Variants in DIAPH3 observed in about 807,000 individuals in gnomAD.
The protein encoded by DIAPH3 is diaphanous related formin 3, also known as protein diaphanous homolog 3.
Under a neutral mutation model 144.3 loss-of-function variants are expected in DIAPH3, and 117 were observed. The observed-to-expected ratio is 0.81, with a 90% CI of 0.70 to 0.95. DIAPH3 has a LOEUF of 0.95. DIAPH3 is among the 40% of genes least tolerant of loss of function. The pLI is 0.00. For missense variants in DIAPH3, 1,421 were observed against 1,412.7 expected (o/e 1.01, Z -0.09); for synonymous variants, 519 against 488.9 (o/e 1.06, Z -0.81).
chr13:60,041,812 T>A (rs1258671321), intron 5 of DIAPH3, among the ~76,000 whole-genome samples: 2 of 152,124 alleles, frequency 1.3e-5, no homozygotes, highest in Non-Finnish European at 2.9e-5. Flanking sequence ...TTTCTGACTG[T>A]TTAGGTATTT....
At chr13:59,813,132 G>A (rs1035254664) in intron 24 of DIAPH3, among the ~76,000 whole-genome samples, 9 of 150,646 alleles carry the variant, frequency 6.0e-5, no homozygotes, top group African/African-American at 1.5e-4. Flanking sequence ...GAGTACGGGC[G>A]CAGAAACCTA....
chr13:59,756,683 C>T (rs1055420627), intron 27 of DIAPH3, among the ~76,000 whole-genome samples: 1 of 152,150 alleles, frequency 6.6e-6, no homozygotes. Flanking sequence ...TAAGCTGCTA[C>T]CTCATTACCC....
rs183456219 is a variant in DIAPH3, at chr13:59,934,892, C to G, written c.2075-10022G>C. On this transcript the variant is annotated intron_variant, in intron 17 of 27. Coordinates refer to ENST00000400324, the MANE Select transcript of DIAPH3 (RefSeq NM_001042517.2). ...CCACACTTTGCATTTACACTTGATC[C>G]AAATTTTCCCTTGCTGTACATGTTC... 3.3e-5 allele frequency among the ~76,000 whole-genome samples: 5 copies of G among 152,236 alleles called. No individual in the cohort carries two copies. In the East Asian group the frequency reaches 9.7e-4, roughly 29 times the overall value.
intron 27 of DIAPH3, among the ~76,000 whole-genome samples, chr13:59,715,274 C>T (rs903667823): frequency 2.0e-5 from 3 of 152,086 alleles, no homozygotes; most frequent in African/African-American, 4.8e-5. Context: ...TGCAAAGTTC[C>T]CAGCACATGG....
chr13:60,074,367 TA>T (rs889705751), intron 4 of DIAPH3, among the ~76,000 whole-genome samples: 2 of 152,168 alleles, frequency 1.3e-5, no homozygotes, highest in Non-Finnish European at 2.9e-5. Flanking sequence ...TATTTTAGGC[TA>T]AAATCAAGGA....
intron 27 of DIAPH3, among the ~76,000 whole-genome samples, chr13:59,667,568 A>G (rs1490146939): frequency 2.0e-5 from 3 of 152,264 alleles, no homozygotes; most frequent in Non-Finnish European, 4.4e-5. Flanking sequence ...AGAAACAATG[A>G]ACTTGGCAAG....
intron 25 of DIAPH3, among the ~76,000 whole-genome samples, chr13:59,805,700 A>C (rs1046719167): frequency 6.6e-6 from 1 of 152,008 alleles, no homozygotes; most frequent in African/African-American, 2.4e-5. Context: ...AAAAATGAGA[A>C]AACAAAAACG....
At chr13:59,817,284 A>T (rs1009412814) in intron 24 of DIAPH3, among the ~76,000 whole-genome samples, 8 of 151,902 alleles carry the variant, frequency 5.3e-5, no homozygotes, top group African/African-American at 1.9e-4. Context: ...TAAGTTAAAG[A>T]ACTTTGTTGA....
At chr13:59,878,035 C>A (rs1331399349) in intron 21 of DIAPH3, among the ~76,000 whole-genome samples, 1 of 152,118 alleles carries the variant, frequency 6.6e-6, no homozygotes, top group East Asian at 1.9e-4. Flanking sequence ...AGCATTTCAT[C>A]ATAATTAATG....
chr13:59,933,713 A>G (rs991121956), intron 17 of DIAPH3, among the ~76,000 whole-genome samples: 1 of 152,214 alleles, frequency 6.6e-6, no homozygotes, highest in Non-Finnish European at 1.5e-5. Context: ...CTAACACAGC[A>G]TATGCAGCAT....
intron 22 of DIAPH3, among the ~76,000 whole-genome samples, chr13:59,855,445 CT>C (rs2043202676): frequency 6.6e-6 from 1 of 151,666 alleles, no homozygotes; most frequent in South Asian, 2.1e-4. Flanking sequence ...ATAAATTTAA[CT>C]TTTATTATAT....
chr13:60,079,050 GC>G (rs148377001), intron 4 of DIAPH3, among the ~76,000 whole-genome samples: 2,685 of 152,148 alleles, frequency 0.018, 40 homozygotes, highest in Non-Finnish European at 0.027. Context: ...AGATGCACGA[GC>G]CAATATGCTC....
At position 60,138,079 on chromosome 13, in the gene DIAPH3, G is replaced by C. The variant is rs555337166; in HGVS notation, c.181-5090C>G. Among the ~76,000 whole-genome samples, 6 of 152,248 alleles carry C rather than the reference G, an allele frequency of 3.9e-5. No individual in the cohort carries two copies. The South Asian group carries it at 1.2e-3, about 32-fold the overall frequency. On this transcript the variant is annotated intron_variant, in intron 1 of 27. Transcript: ENST00000400324. ...GGGATTACCAACATGAGGAAAACTT[G>C]TAAGATTAAAGACTCAGACACAATT...
At chr13:59,963,678 T>C (rs2049894826) in intron 17 of DIAPH3, among the ~76,000 whole-genome samples, 1 of 151,978 alleles carries the variant, frequency 6.6e-6, no homozygotes, top group Admixed American at 6.6e-5. Context: ...AATAGCTAGA[T>C]TTACAAATTT....
chr13:59,971,440 G>T (rs184582575), intron 15 of DIAPH3, among the ~76,000 whole-genome samples: 1 of 152,224 alleles, frequency 6.6e-6, no homozygotes, highest in Admixed American at 6.5e-5. Flanking sequence ...GGAGGGAAAT[G>T]GGTATGTGGA....
chr13:59,824,357 A>C (rs1457460034), intron 24 of DIAPH3, among the ~76,000 whole-genome samples: 5 of 152,190 alleles, frequency 3.3e-5, no homozygotes, highest in Admixed American at 6.6e-5. Flanking sequence ...AGTAAGGTTA[A>C]GTAATTTGCC....
At chr13:59,671,429 C>A (rs1363669239) in intron 27 of DIAPH3, among the ~76,000 whole-genome samples, 1 of 152,140 alleles carries the variant, frequency 6.6e-6, no homozygotes, top group Non-Finnish European at 1.5e-5. Context: ...AATATTAAGG[C>A]AAAGAGGGAT....
intron 1 of DIAPH3, among the ~76,000 whole-genome samples, chr13:60,159,583 C>T (rs1952191223): frequency 6.6e-6 from 1 of 151,004 alleles, no homozygotes; most frequent in Non-Finnish European, 1.5e-5. Context: ...AAGATTGTGC[C>T]ACTGCACTCC....
intron 25 of DIAPH3, among the ~76,000 whole-genome samples, chr13:59,788,583 T>G (rs1003439497): frequency 1.4e-4 from 21 of 152,338 alleles, no homozygotes; most frequent in East Asian, 1.9e-4. Flanking sequence ...GTTATATTGT[T>G]GTTCATTGTA....
Sources: gnomAD v4.1 joint callset for allele counts (sites outside exome capture counted in the v4.1 genomes callset) on GRCh38, gnomAD v4.1.1 for gene constraint, MANE v1.5 for transcripts, NCBI Gene and HGNC (gene_info 2026-07-23, HGNC 2026-07-21) for gene names.